The following EBF4 variants were observed in gnomAD, a reference collection of about 807,000 sequenced individuals.
The protein encoded by EBF4 is EBF transcription factor 4, also known as transcription factor COE4.
Under a neutral mutation model 67.1 loss-of-function variants are expected in EBF4, and 34 were observed. The observed-to-expected ratio is 0.51, with a 90% CI of 0.39 to 0.67. The LOEUF (loss-of-function observed/expected upper bound fraction) is 0.67. Ranked by LOEUF, EBF4 falls within the 30% of genes least tolerant of loss-of-function variation. The probability of loss-of-function intolerance (pLI) is 0.00; values close to 1 mark genes in which losing one functional copy is unlikely to be tolerated. For synonymous variants in EBF4, 387 were observed against 377.7 expected, an observed-to-expected ratio of 1.02 and a Z score of -0.29; for missense variants, 837 against 873.3, an observed-to-expected ratio of 0.96 and a Z score of 0.52.
intron 6 of EBF4, among the ~76,000 whole-genome samples, chr20:2,723,353 T>A (rs13043423): frequency 0.19 from 29,224 of 152,042 alleles, 3,198 homozygotes; most frequent in East Asian, 0.29. Flanking sequence ...TTTTTATTTT[T>A]TTTTATTTTT....
Position 2,707,378 on chromosome 20 carries a change from T to TCTATGAGAG in EBF4, c.415-569_415-568insCTATGAGAG, listed in dbSNP as rs2087473417. Among the ~76,000 whole-genome samples, 1 of 151,678 alleles carries TCTATGAGAG rather than the reference T, an allele frequency of 6.6e-6. No individual in the cohort carries two copies. Among genetic ancestry groups the TCTATGAGAG allele is most frequent in the Non-Finnish European group, 1.5e-5 (1 of 67,902 alleles). The stretch of plus-strand genomic sequence containing the variant: ...GGGCAGAGGGAGGCTGGAAGACTGG[T>TCTATGAGAG]GAGGAGGTGATGCAGCAGTCCCAGG... On this transcript the variant is annotated intron_variant, in intron 4 of 16. Coordinates refer to ENST00000609451, the Ensembl canonical transcript of EBF4. This position sits in a 1 kb window ranked among gnomAD's most constrained non-coding sequence, Gnocchi z 4.6.
intron 6 of EBF4, among the ~76,000 whole-genome samples, chr20:2,736,603 A>G (rs1158701736): frequency 6.6e-6 from 1 of 152,116 alleles, no homozygotes; most frequent in East Asian, 1.9e-4. Flanking sequence ...CATTCTGGCA[A>G]TCCCCCTTGA....
Position 2,751,953 on chromosome 20 carries a change from C to T in EBF4, c.1139C>T (p.Ala380Val). Reference sequence around the variant, plus strand: ...CTGCTGAAGCGGGCGGCCGACTTGGCAGAAGCCCTGTACGGAGTGCCCGGC... The same window carrying T: ...CTGCTGAAGCGGGCGGCCGACTTGGTAGAAGCCCTGTACGGAGTGCCCGGC... Residue 380 changes from alanine (A) to valine (V), a missense_variant, in exon 12 of 17, where the codon GCA (alanine) becomes GTA (valine). Physicochemically the swap from Ala to Val is moderately conservative, Grantham distance 64. Transcript: ENST00000609451. This position sits in a 1 kb window ranked among gnomAD's most constrained non-coding sequence, Gnocchi z 5.2. 6.5e-7 allele frequency: 1 copy of T among 1,549,096 alleles called. No individual in the cohort carries two copies. The highest frequency in any genetic ancestry group is 8.7e-7 in the Non-Finnish European group (1 of 1,146,776).
intron 6 of EBF4, among the ~76,000 whole-genome samples, chr20:2,710,478 A>G (rs1358727064): frequency 1.3e-5 from 2 of 152,026 alleles, no homozygotes; most frequent in African/African-American, 2.4e-5. Context: ...AAATGCATAA[A>G]TAAGGTGTAA....
At chr20:2,701,147 G>A (rs1260071886) in intron 1 of EBF4, among the ~76,000 whole-genome samples, 1 of 152,236 alleles carries the variant, frequency 6.6e-6, no homozygotes, top group African/African-American at 2.4e-5. Context: ...AACCAGTGCT[G>A]CTCCATGGGT....
At chr20:2,754,007 G>A (rs372722555) in intron 14 of EBF4, among the ~76,000 whole-genome samples, 4 of 119,424 alleles carry the variant, frequency 3.3e-5, no homozygotes, top group African/African-American at 1.3e-4. Context: ...CACATACACT[G>A]TGGTCAACAG....
At position 2,755,452 on chromosome 20, in the gene EBF4, T is replaced by A; in HGVS notation, c.1541-175T>A. 2 of 593,540 alleles carry A rather than the reference T, an allele frequency of 3.4e-6. No individual in the cohort carries two copies. The highest frequency in any genetic ancestry group is 6.0e-6 in the Non-Finnish European group (2 of 332,478). 36.8% of individuals were successfully genotyped at this position (593,540 alleles called of 1,614,324 possible). A position where few individuals can be genotyped will look rare whatever the true frequency, so the allele number is the denominator to read the frequency against. On this transcript the variant is annotated intron_variant, in intron 14 of 16. Coordinates refer to ENST00000609451, the Ensembl canonical transcript of EBF4. This position sits in a 1 kb window ranked among gnomAD's most constrained non-coding sequence, Gnocchi z 4.7. ...CCCGAGAAAAGGTCTCCAGAACCGC[T>A]GAGAGGTCAGGGCTGGCCCAGGACC...
At chr20:2,703,351 G>A (rs369526275) in intron 1 of EBF4, among the ~76,000 whole-genome samples, 461 of 151,568 alleles carry the variant, frequency 3.0e-3, no homozygotes, top group Non-Finnish European at 5.4e-3. Flanking sequence ...CAGGAGGATC[G>A]CTTAAGTCTA....
In EBF4 at chr20:2,753,479, C is replaced by T. The variant is rs569264281; in HGVS notation, c.1540+934C>T. Among the ~76,000 whole-genome samples, 5 of 152,358 alleles carry T rather than the reference C, an allele frequency of 3.3e-5. No homozygotes were observed. In the South Asian group the frequency reaches 6.2e-4, roughly 19 times the overall value. On this transcript the variant is annotated intron_variant, in intron 14 of 16. Coordinates refer to ENST00000609451, the Ensembl canonical transcript of EBF4. The stretch of plus-strand genomic sequence containing the variant: ...AGCTATTCAGCAGGCATTTATAAAG[C>T]GCCCACTGTATGCAAAGCCCAGGGC...
chr20:2,697,033 C>T (rs752803560), intron 1 of EBF4, among the ~76,000 whole-genome samples: 1 of 152,186 alleles, frequency 6.6e-6, no homozygotes, highest in Admixed American at 6.5e-5. Context: ...GCTCCCAAGT[C>T]CCCTTATATT....
At chr20:2,752,906 C>G (rs960548810) in intron 14 of EBF4, among the ~76,000 whole-genome samples, 1 of 152,234 alleles carries the variant, frequency 6.6e-6, no homozygotes, top group East Asian at 1.9e-4. Flanking sequence ...ATCTCGCGCC[C>G]GGACTTGGGG....
Position 2,755,970 on chromosome 20 carries a change from T to G in EBF4, c.1738+146T>G, listed in dbSNP as rs1428560690. ...TTGGAGGACGGAGAGCAGGGAGCTC[T>G]GCTGGGGTCCAGGGAGGTCCCTCTG... On this transcript the variant is annotated intron_variant, in intron 15 of 16. Transcript: ENST00000609451. This position sits in a 1 kb window ranked among gnomAD's most constrained non-coding sequence, Gnocchi z 4.7. 3 of 904,292 alleles carry G rather than the reference T, an allele frequency of 3.3e-6. No individual in the cohort carries two copies. The African/African-American group carries it at 5.0e-5, about 15-fold the overall frequency. 56.0% of individuals were successfully genotyped at this position (904,292 alleles called of 1,614,324 possible).
chr20:2,711,016 T>C (rs1027575281), intron 6 of EBF4, among the ~76,000 whole-genome samples: 10 of 151,892 alleles, frequency 6.6e-5, no homozygotes, highest in Admixed American at 2.6e-4. Context: ...GGCATGGTGG[T>C]GTACATCTGT....
At chr20:2,700,027 G>A (rs573725797) in intron 1 of EBF4, among the ~76,000 whole-genome samples, 3 of 152,298 alleles carry the variant, frequency 2.0e-5, no homozygotes, top group African/African-American at 7.2e-5. Context: ...CAGCCCAGAA[G>A]TACCTGAGAA....
intron 6 of EBF4, among the ~76,000 whole-genome samples, chr20:2,721,243 C>T (rs1600218984): frequency 6.4e-5 from 7 of 110,010 alleles, no homozygotes; most frequent in South Asian, 2.7e-4. Flanking sequence ...CACTGATTCT[C>T]TTCTTTTTTT....
At chr20:2,716,024 C>A (rs935441470) in intron 6 of EBF4, among the ~76,000 whole-genome samples, 3 of 150,982 alleles carry the variant, frequency 2.0e-5, no homozygotes, top group African/African-American at 7.3e-5. Flanking sequence ...GCTGGGATTA[C>A]AGGCATGAGC....
At position 2,707,587 on chromosome 20, in the gene EBF4, G is replaced by A. The variant is rs2146389554; in HGVS notation, c.415-360G>A. Among the ~76,000 whole-genome samples the A allele has an allele frequency of 6.6e-6, 1 of 152,224 alleles. No individual in the cohort carries two copies. Among genetic ancestry groups the A allele is most frequent in the South Asian group, 2.1e-4 (1 of 4,818 alleles). On this transcript the variant is annotated intron_variant, in intron 4 of 16. Coordinates refer to ENST00000609451, the Ensembl canonical transcript of EBF4. This position sits in a 1 kb window ranked among gnomAD's most constrained non-coding sequence, Gnocchi z 4.6. ...GGATGCACACAGGAGGATGCTGGGG[G>A]AGGGGAGGGGCCTGGTGCTGGGTGG...
At chr20:2,725,275 G>A (rs1490824334) in intron 6 of EBF4, among the ~76,000 whole-genome samples, 1 of 151,846 alleles carries the variant, frequency 6.6e-6, no homozygotes, top group Non-Finnish European at 1.5e-5. Flanking sequence ...ATTGCATTCT[G>A]GGTAATTGTT....
intron 4 of EBF4, among the ~76,000 whole-genome samples, chr20:2,706,467 T>C (rs945259173): frequency 6.6e-6 from 1 of 152,132 alleles, no homozygotes; most frequent in African/African-American, 2.4e-5. Context: ...ACAATATTTG[T>C]ACAAAAACCC....
Sources: allele counts gnomAD v4.1 joint callset (sites outside exome capture counted in the v4.1 genomes callset), GRCh38; gene constraint gnomAD v4.1.1; non-coding constraint Gnocchi (gnomAD v3.1); transcripts MANE v1.5; gene names NCBI Gene and HGNC (gene_info 2026-07-23, HGNC 2026-07-21).